SDK1: variants seen among roughly 807,000 people sequenced by gnomAD.
SDK1 encodes protein sidekick-1.
SDK1 carries 157 observed loss-of-function variants against 245.5 expected under a neutral mutation model. The ratio of observed to expected loss-of-function variants is 0.64; its 90% CI spans 0.56 to 0.73. The LOEUF is 0.73. Among genes scored for constraint, SDK1 ranks in the 30% least tolerant of loss-of-function variants. The pLI is 0.00. For synonymous variants in SDK1, 1,647 were observed against 1,278.5 expected, an observed-to-expected ratio of 1.29 and a Z score of -6.15; for missense variants, 3,583 against 3,002.3, an observed-to-expected ratio of 1.19 and a Z score of -4.52.
At chr7:3,822,411 A>G (rs1350966294) in intron 5 of SDK1, among the ~76,000 whole-genome samples, 4 of 152,154 alleles carry the variant, frequency 2.6e-5, no homozygotes, top group Non-Finnish European at 5.9e-5. Context: ...ATTTGTTTGT[A>G]TAGTAGTGGA....
At chr7:4,215,002 G>T (rs1784712140) in intron 38 of SDK1, among the ~76,000 whole-genome samples, 1 of 152,188 alleles carries the variant, frequency 6.6e-6, no homozygotes, top group Non-Finnish European at 1.5e-5. Context: ...CACCCAGGTG[G>T]ACCTCATGGC....
chr7:3,432,309 G>T (rs1779876971), intron 1 of SDK1, among the ~76,000 whole-genome samples: 1 of 151,988 alleles, frequency 6.6e-6, no homozygotes, highest in South Asian at 2.1e-4. Flanking sequence ...GACACTGGCA[G>T]CATGTCATCC....
intron 43 of SDK1, among the ~76,000 whole-genome samples, chr7:4,244,461 T>C (rs1786715208): frequency 6.6e-6 from 1 of 152,206 alleles, no homozygotes; most frequent in Admixed American, 6.5e-5. Flanking sequence ...AATGTTGTAC[T>C]CAGAGTTTTT....
intron 1 of SDK1, among the ~76,000 whole-genome samples, chr7:3,324,834 C>T (rs1360426758): frequency 1.3e-5 from 2 of 152,042 alleles, no homozygotes; most frequent in African/African-American, 2.4e-5. Flanking sequence ...AAAAAGTAAA[C>T]GGCAAGATTT....
intron 24 of SDK1, among the ~76,000 whole-genome samples, chr7:4,113,764 G>T (rs937839415): frequency 2.0e-5 from 3 of 152,180 alleles, no homozygotes; most frequent in Non-Finnish European, 4.4e-5. Context: ...ATTTGTAAGA[G>T]AGCCAGCCTG....
intron 1 of SDK1, among the ~76,000 whole-genome samples, chr7:3,577,831 C>CT (rs1409073791): frequency 2.0e-5 from 3 of 152,016 alleles, no homozygotes; most frequent in African/African-American, 7.2e-5. Context: ...GAAACTCTAA[C>CT]TTCCTCATCT....
chr7:3,919,946 C>T (rs1779528984), intron 5 of SDK1, among the ~76,000 whole-genome samples: 1 of 152,052 alleles, frequency 6.6e-6, no homozygotes, highest in Admixed American at 6.5e-5. Flanking sequence ...CACCTGGGCT[C>T]TGGGGTCACA....
intron 1 of SDK1, among the ~76,000 whole-genome samples, chr7:3,599,388 G>A (rs903305229): frequency 6.6e-6 from 1 of 152,094 alleles, no homozygotes; most frequent in Non-Finnish European, 1.5e-5. Context: ...TTCAGATAAT[G>A]TGGTTTGCCT....
chr7:3,619,219 C>A lies in SDK1; in HGVS notation c.438C>A (p.Thr146=). ...GGATGCGCGATGACAGTGAGCTCAC[C>A]ACCTACAGCAGCGAATATAAGTAAT... is the stretch of plus-strand genomic sequence containing the variant. ...FKWMRDDSEL[T]TYSSEYKYII... The change falls in exon 2 of 45, where the codon ACC becomes ACA. Residue 146 remains threonine (T), a synonymous_variant. Coordinates refer to ENST00000404826, the MANE Select transcript of SDK1 (RefSeq NM_152744.4). The A allele has an allele frequency of 6.2e-7, 1 of 1,610,936 alleles. No homozygotes were observed. Among genetic ancestry groups the A allele is most frequent in the Non-Finnish European group, 8.5e-7 (1 of 1,177,458 alleles).
At chr7:3,562,209 C>A (rs1025132832) in intron 1 of SDK1, among the ~76,000 whole-genome samples, 1 of 152,202 alleles carries the variant, frequency 6.6e-6, no homozygotes, top group Non-Finnish European at 1.5e-5. Context: ...ACTCTTATCT[C>A]CAAGGATTCC....
intron 5 of SDK1, among the ~76,000 whole-genome samples, chr7:3,854,363 A>G (rs1193381541): frequency 2.0e-5 from 3 of 152,218 alleles, no homozygotes. Flanking sequence ...CTTATAGAGT[A>G]TGTGTGCAGA....
chr7:4,150,050 C>T (rs1437837506), intron 30 of SDK1, among the ~76,000 whole-genome samples: 3 of 152,144 alleles, frequency 2.0e-5, no homozygotes, highest in Non-Finnish European at 4.4e-5. Context: ...ACAATAGCAG[C>T]GGCGTTCTGT....
chr7:3,358,851 T>G (rs1430713439), intron 1 of SDK1, among the ~76,000 whole-genome samples: 1 of 152,216 alleles, frequency 6.6e-6, no homozygotes, highest in Non-Finnish European at 1.5e-5. Flanking sequence ...TAACTATTAT[T>G]TCCTCTTTTC....
intron 17 of SDK1, among the ~76,000 whole-genome samples, chr7:4,027,866 G>T (rs144483937): frequency 0.019 from 2,961 of 152,166 alleles, 44 homozygotes; most frequent in Non-Finnish European, 0.03. Context: ...GAGAGGAGAA[G>T]GGGGAGAAGG....
intron 4 of SDK1, among the ~76,000 whole-genome samples, chr7:3,807,932 A>G (rs1252442283): frequency 6.6e-6 from 1 of 152,142 alleles, no homozygotes; most frequent in East Asian, 1.9e-4. Flanking sequence ...ATCTCGTTTA[A>G]TTCTCCTGCC....
chr7:3,532,769 G>A (rs529551055), intron 1 of SDK1, among the ~76,000 whole-genome samples: 2 of 152,278 alleles, frequency 1.3e-5, no homozygotes, highest in Admixed American at 6.5e-5. Context: ...TTCGAAGGGT[G>A]ACTAAAGCCT....
intron 4 of SDK1, among the ~76,000 whole-genome samples, chr7:3,691,507 C>G (rs1436207407): frequency 5.9e-5 from 9 of 152,206 alleles, no homozygotes; most frequent in Non-Finnish European, 1.5e-5. Flanking sequence ...GTAGGATACT[C>G]TCTCCCCTTT....
intron 1 of SDK1, among the ~76,000 whole-genome samples, chr7:3,324,053 G>T (rs1198168624): frequency 6.7e-6 from 1 of 148,944 alleles, no homozygotes; most frequent in South Asian, 2.1e-4. Context: ...TGAGAGAAAT[G>T]AGTGTAAATG....
At chr7:3,986,655 T>C (rs1357638457) in intron 13 of SDK1, among the ~76,000 whole-genome samples, 2 of 152,120 alleles carry the variant, frequency 1.3e-5, no homozygotes, top group South Asian at 2.1e-4. Context: ...GGTCAGGAGT[T>C]CAAGACCAAC....
Sources: allele counts gnomAD v4.1 joint callset (sites outside exome capture counted in the v4.1 genomes callset), GRCh38; gene constraint gnomAD v4.1.1; transcripts MANE v1.5; gene names NCBI Gene and HGNC (gene_info 2026-07-23, HGNC 2026-07-21).